PTPRA: variants seen among roughly 807,000 people sequenced by gnomAD.
The protein encoded by PTPRA is protein tyrosine phosphatase receptor type A.
In PTPRA, 25 loss-of-function variants were observed where a neutral mutation model predicts 104.8. The ratio of observed to expected loss-of-function variants is 0.24; its 90% CI spans 0.17 to 0.33. The LOEUF is 0.33. Ranked by LOEUF, PTPRA falls within the 10% of genes least tolerant of loss-of-function variation. The pLI is 1.00. For missense variants in PTPRA, 765 were observed against 1,015.3 expected (o/e 0.75, Z 3.35); for synonymous variants, 323 against 368.9 (o/e 0.88, Z 1.43).
chr20:2,944,322 G>T (rs1221980964), intron 2 of PTPRA, among the ~76,000 whole-genome samples: 1 of 152,118 alleles, frequency 6.6e-6, no homozygotes, highest in Admixed American at 6.5e-5. Flanking sequence ...GATTACAGGC[G>T]TGAGCCACCA....
chr20:2,887,190 G>T (rs2090437958), intron 1 of PTPRA, among the ~76,000 whole-genome samples: 1 of 152,012 alleles, frequency 6.6e-6, no homozygotes, highest in African/African-American at 2.4e-5. Context: ...TTTAAGATGG[G>T]TTTTACATTA....
rs1474979 is a variant in PTPRA at position 3,017,704 on chromosome 20, G to A, written c.944-112G>A. On this transcript the variant is annotated intron_variant, in intron 12 of 23. Transcript: ENST00000399903. The stretch of plus-strand genomic sequence containing the variant: ...GATGGATACATGGGTTAGATATTTA[G>A]CTGGGGACATTTGGGCACAAGCTTC... The A allele has an allele frequency of 8.8e-3, 7,137 of 812,230 alleles. 245 individuals carry two copies. The East Asian group carries it at 0.097, about 11-fold the overall frequency. The allele number at this position is 812,230 out of a possible 1,614,324, so 50.3% of individuals were successfully genotyped here. A position where few individuals can be genotyped will look rare whatever the true frequency, so the allele number is the denominator to read the frequency against.
intron 1 of PTPRA, among the ~76,000 whole-genome samples, chr20:2,910,589 G>GTTA (rs2059676092): frequency 1.7e-5 from 1 of 57,986 alleles, no homozygotes; most frequent in Non-Finnish European, 2.9e-5. Flanking sequence ...TTTTTTTTTT[G>GTTA]TTTTTTTTTT....
chr20:3,002,162 C>CT (rs1171352058), intron 9 of PTPRA, among the ~76,000 whole-genome samples: 2 of 106,808 alleles, frequency 1.9e-5, no homozygotes, highest in Non-Finnish European at 4.4e-5. Flanking sequence ...ACAAAAAACT[C>CT]TTGCTTCCAT....
In PTPRA at chr20:2,964,928, C is replaced by G. The variant is rs775353797; in HGVS notation, c.141C>G (p.Ala47=). ...SSTAEPVKEE[A]KTSNPTSSLT... ...CGGCAGAACCAGTTAAAGAAGAGGC[C>G]AAAACTTCAAATCCAACTTCTTCAC... The change falls in exon 5 of 24, where the codon GCC becomes GCG. Residue 47 remains alanine (A), a synonymous_variant. Coordinates refer to ENST00000399903, the MANE Select transcript of PTPRA (RefSeq NM_001385305.1). 31 of 1,613,912 alleles carry G rather than the reference C, an allele frequency of 1.9e-5. No homozygotes were observed. Among genetic ancestry groups the G allele is most frequent in the Non-Finnish European group, 2.5e-5 (29 of 1,179,946 alleles).
Position 2,873,728 on chromosome 20 carries a change from C to A in PTPRA, c.-161C>A, listed in dbSNP as rs934655127. On this transcript the variant is annotated 5_prime_UTR_variant, in exon 1 of 24. Transcript: ENST00000399903. This position sits in a 1 kb window ranked among gnomAD's most constrained non-coding sequence, Gnocchi z 4.4. The stretch of plus-strand genomic sequence containing the variant: ...GGAGCCGAGGCGGAGCCGCTGTCCT[C>A]GTCCCCAGCGGTCCCGCCCAACGCC... 1 of 151,816 alleles carries A rather than the reference C, an allele frequency of 6.6e-6. No homozygotes were observed. Among genetic ancestry groups the A allele is most frequent in the Admixed American group, 6.5e-5 (1 of 15,272 alleles). The allele number at this position is 151,816 out of a possible 1,614,324, so 9.4% of individuals were successfully genotyped here.
chr20:3,005,536 G>A (rs1015234331), intron 10 of PTPRA, among the ~76,000 whole-genome samples: 1 of 152,042 alleles, frequency 6.6e-6, no homozygotes, highest in Non-Finnish European at 1.5e-5. Context: ...GGGTGACAGG[G>A]CAAGACCGTG....
At chr20:2,942,840 A>G (rs1023630604) in intron 2 of PTPRA, among the ~76,000 whole-genome samples, 2 of 151,992 alleles carry the variant, frequency 1.3e-5, no homozygotes, top group African/African-American at 2.4e-5. Flanking sequence ...GGGAAGCATT[A>G]TATTCCAAGA....
rs780616089 is a variant in PTPRA at position 3,027,734 on chromosome 20, G to A, written c.1813G>A (p.Ala605Thr). The change falls in exon 20 of 24, where the codon GCC becomes ACC. Residue 605 changes from alanine to threonine, a missense_variant. Physicochemically the swap from Ala to Thr is moderately conservative, Grantham distance 58. This residue lies in a region of PTPRA where 192 missense variants were observed against 227.0 expected (regional missense o/e 0.85). Transcript: ENST00000399903. ...CTACCGGCAGAAGGACTCCTATATCGCCAGCCAGGGCCCTCTTCTCCACAC... is the reference window on the plus strand; with the variant it reads ...CTACCGGCAGAAGGACTCCTATATCACCAGCCAGGGCCCTCTTCTCCACAC... ...DGYRQKDSYI[A>T]SQGPLLHTIE... 1.2e-6 allele frequency: 2 copies of A among 1,613,984 alleles called. No individual in the cohort carries two copies. Among genetic ancestry groups the A allele is most frequent in the Non-Finnish European group, 1.7e-6 (2 of 1,179,968 alleles).
Position 3,037,356 on chromosome 20 carries a change from C to T in PTPRA, c.2334+67C>T. 1 of 1,589,056 alleles carries T rather than the reference C, an allele frequency of 6.3e-7. No homozygotes were observed. The highest frequency in any genetic ancestry group is 2.2e-5 in the East Asian group (1 of 44,732). On this transcript the variant is annotated intron_variant, in intron 23 of 23. Transcript: ENST00000399903. The surrounding 1 kb of genome is among the most constrained non-coding windows in gnomAD (Gnocchi z 4.3). ...CAGCCCTTCTCTCAGGGAGGAGGCT[C>T]TTCAGAGGGGCCCACCCAGTAGTCA...
At chr20:2,871,680 C>CTT (rs2089432374), upstream of PTPRA, among the ~76,000 whole-genome samples, 1 of 152,202 alleles carries the variant, frequency 6.6e-6, no homozygotes, top group African/African-American at 2.4e-5. Flanking sequence ...GGTTTTCACA[C>CTT]TTTGACTTCC....
chr20:2,961,450 C>G (rs6084219), intron 3 of PTPRA, among the ~76,000 whole-genome samples: 1 of 152,064 alleles, frequency 6.6e-6, no homozygotes, highest in African/African-American at 2.4e-5. Context: ...TGAGGTGTCT[C>G]TTCAGGTCTT....
At chr20:2,919,405 A>G (rs913004333) in intron 1 of PTPRA, among the ~76,000 whole-genome samples, 1 of 152,228 alleles carries the variant, frequency 6.6e-6, no homozygotes, top group South Asian at 2.1e-4. Context: ...AATAGGATAT[A>G]TAATGGCCTT....
chr20:2,953,010 ATGT>A (rs2061403488), intron 3 of PTPRA, among the ~76,000 whole-genome samples: 1 of 152,106 alleles, frequency 6.6e-6, no homozygotes, highest in Non-Finnish European at 1.5e-5. Flanking sequence ...GCTGCTGTGA[ATGT>A]TGTTGTATAA....
chr20:2,913,613 T>G (rs901115063), intron 1 of PTPRA, among the ~76,000 whole-genome samples: 3 of 152,166 alleles, frequency 2.0e-5, no homozygotes, highest in Admixed American at 2.0e-4. Context: ...TTCTTCATCT[T>G]TAGATTCAGA....
intron 3 of PTPRA, among the ~76,000 whole-genome samples, chr20:2,963,319 G>T (rs2061824072): frequency 6.6e-6 from 1 of 152,068 alleles, no homozygotes; most frequent in Non-Finnish European, 1.5e-5. Flanking sequence ...AAAGTTTTTT[G>T]GTCCAGATGT....
At chr20:3,006,834 T>C (rs2063896522) in intron 10 of PTPRA, among the ~76,000 whole-genome samples, 1 of 152,154 alleles carries the variant, frequency 6.6e-6, no homozygotes, top group African/African-American at 2.4e-5. Flanking sequence ...TTTCACCATG[T>C]TGGCCAGGCT....
chr20:2,975,767 G>A (rs988876159), intron 6 of PTPRA, among the ~76,000 whole-genome samples: 5 of 152,170 alleles, frequency 3.3e-5, no homozygotes, highest in Non-Finnish European at 4.4e-5. Flanking sequence ...AGGGGGACAT[G>A]GGTACTTGTC....
Position 2,873,539 on chromosome 20 carries a change from C to T in PTPRA, c.-350C>T, listed in dbSNP as rs2089489270. 6.6e-6 allele frequency: 1 copy of T among 151,618 alleles called. No individual in the cohort carries two copies. The highest frequency in any genetic ancestry group is 2.4e-5 in the African/African-American group (1 of 41,378). 9.4% of individuals were successfully genotyped at this position (151,618 alleles called of 1,614,324 possible). On this transcript the variant is annotated 5_prime_UTR_variant, in exon 1 of 24. Coordinates refer to ENST00000399903, the MANE Select transcript of PTPRA (RefSeq NM_001385305.1). This position sits in a 1 kb window ranked among gnomAD's most constrained non-coding sequence, Gnocchi z 4.4. ...TGACAGAGACGCGCGCGCGCGCGATCGCGCTCGGACCCCGGCCGCTGCCGC... is the reference window on the plus strand; with the variant it reads ...TGACAGAGACGCGCGCGCGCGCGATTGCGCTCGGACCCCGGCCGCTGCCGC...
Sources: gnomAD v4.1 joint callset for allele counts (sites outside exome capture counted in the v4.1 genomes callset) on GRCh38, gnomAD v4.1.1 for gene constraint, gnomAD v4.1.1 regional missense constraint, Gnocchi (gnomAD v3.1) non-coding constraint, MANE v1.5 for transcripts, NCBI Gene and HGNC (gene_info 2026-07-23, HGNC 2026-07-21) for gene names.